The following ARID3B variants were observed in gnomAD, a reference collection of about 807,000 sequenced individuals.
ARID3B encodes the protein AT-rich interactive domain-containing protein 3B.
ARID3B carries 10 observed loss-of-function variants against 51.9 expected under a neutral mutation model. The observed-to-expected ratio is 0.19, with a 90% CI of 0.12 to 0.33. The LOEUF (loss-of-function observed/expected upper bound fraction) is 0.33. ARID3B is among the 10% of genes least tolerant of loss of function. The pLI, the probability that ARID3B is intolerant of heterozygous loss-of-function variation, is 1.00. For missense variants in ARID3B, 483 were observed against 716.3 expected, an observed-to-expected ratio of 0.67 and a Z score of 3.72; for synonymous variants, 205 against 279.5, an observed-to-expected ratio of 0.73 and a Z score of 2.66.
chr15:74,572,544 A>C (rs143271432), intron 2 of ARID3B, among the ~76,000 whole-genome samples: 1 of 152,232 alleles, frequency 6.6e-6, no homozygotes, highest in Non-Finnish European at 1.5e-5. Context: ...CTTCTAAGCA[A>C]CGTGGGCCTT....
chr15:74,586,715 A>G (rs886244349), intron 4 of ARID3B, among the ~76,000 whole-genome samples: 1 of 152,254 alleles, frequency 6.6e-6, no homozygotes, highest in African/African-American at 2.4e-5. Context: ...ATTTCTGGGT[A>G]GGTTAATTTA....
intron 4 of ARID3B, among the ~76,000 whole-genome samples, chr15:74,588,990 G>A (rs1433160550): frequency 6.6e-6 from 1 of 150,540 alleles, no homozygotes. Context: ...AGCAGGAGAG[G>A]AGAAAGCAGG....
At chr15:74,562,007 C>A (rs566081831) in intron 2 of ARID3B, among the ~76,000 whole-genome samples, 40 of 148,428 alleles carry the variant, frequency 2.7e-4, no homozygotes, top group African/African-American at 6.5e-4. Flanking sequence ...CTAGGTTGCA[C>A]TCCAGCCCTG....
At position 74,595,993 on chromosome 15, in the gene ARID3B, C is replaced by T. The variant is rs1420813061; in HGVS notation, c.*219C>T. On this transcript the variant is annotated 3_prime_UTR_variant, in exon 9 of 9. Transcript: ENST00000346246. ...GGCAGGACAGACAGCGTTGTCCAAT[C>T]AGGGATTGTCCTGGAGAACTGGGTG... 34 of 545,404 alleles carry T rather than the reference C, an allele frequency of 6.2e-5. 2 individuals are homozygous for T. The highest frequency in any genetic ancestry group is 9.2e-5 in the Non-Finnish European group (29 of 313,536). 33.8% of individuals were successfully genotyped at this position (545,404 alleles called of 1,614,324 possible).
rs60010767 is a variant in ARID3B, at chr15:74,588,003, G to A, written c.698-1817G>A. Among the ~76,000 whole-genome samples the A allele has an allele frequency of 1.3e-4, 20 of 152,210 alleles. No individual in the cohort carries two copies. The East Asian group carries it at 3.9e-3, about 29-fold the overall frequency. On this transcript the variant is annotated intron_variant, in intron 4 of 8. Coordinates refer to ENST00000346246, the MANE Select transcript of ARID3B (RefSeq NM_006465.4). Reference sequence around the variant, plus strand: ...ACGCTGCAGTCCATGTGCTTTGGGAGGCTGAGGCAGGAGGATTGCTTGAGC... The same window carrying A: ...ACGCTGCAGTCCATGTGCTTTGGGAAGCTGAGGCAGGAGGATTGCTTGAGC...
rs577591308 is a variant in ARID3B at position 74,572,902 on chromosome 15, G to A, written c.593G>A (p.Arg198Gln). 1.1e-5 allele frequency: 17 copies of A among 1,614,126 alleles called. No homozygotes were observed. The highest frequency in any genetic ancestry group is 4.4e-5 in the South Asian group (4 of 91,076). ...TGGAGTGATGATGCAGATGGAGGCC[G>A]GGGAAGAGAGATCTCTCGAGATTTT... ...LAWSDDADGG[R>Q]GREISRDFAK... The change falls in exon 3 of 9, where the codon CGG becomes CAG. Residue 198 changes from arginine (R) to glutamine (Q), a missense_variant. By Grantham distance (43) the Arg-to-Gln change is conservative (BLOSUM62 1). Transcript: ENST00000346246.
rs1166723169 is a variant in ARID3B, at chr15:74,597,380, G to A, written c.*1606G>A. 1.8e-5 allele frequency: 8 copies of A among 441,914 alleles called. No homozygotes were observed. Among genetic ancestry groups the A allele is most frequent in the African/African-American group, 1.6e-4 (8 of 50,638 alleles). The allele number at this position is 441,914 out of a possible 1,614,324, so 27.4% of individuals were successfully genotyped here. A position where few individuals can be genotyped will look rare whatever the true frequency, so the allele number is the denominator to read the frequency against. ...TGTGTGGCAGCGTGGCTCGCATTCA[G>A]TCCTGTGTAGGAGAGGAAAGGGAAT... On this transcript the variant is annotated 3_prime_UTR_variant, in exon 9 of 9. Coordinates refer to ENST00000346246, the MANE Select transcript of ARID3B (RefSeq NM_006465.4).
chr15:74,589,668 C>CT, intron 4 of ARID3B, 152 bp from the exon 5 acceptor site: 1 of 760,816 alleles, frequency 1.3e-6, no homozygotes, highest in Non-Finnish European at 2.1e-6. Context: ...GACAGCTAGT[C>CT]TGAGTGTTCA....
At chr15:74,594,226 A>T (rs1356582299) in intron 8 of ARID3B, among the ~76,000 whole-genome samples, 3 of 152,174 alleles carry the variant, frequency 2.0e-5, no homozygotes, top group African/African-American at 7.2e-5. Context: ...AGGCGGGTGG[A>T]TCACGAAGTC....
rs2061823129 is a variant in ARID3B, at chr15:74,595,822, G to A, written c.*48G>A. ...TTGCCACTCTCCTGTCGAGAGTGAA[G>A]GAAGTTGATGCACAGAATTTACCTC... On this transcript the variant is annotated 3_prime_UTR_variant, in exon 9 of 9. Transcript: ENST00000346246. 1 of 1,558,688 alleles carries A rather than the reference G, an allele frequency of 6.4e-7. No individual in the cohort carries two copies. Among genetic ancestry groups the A allele is most frequent in the Admixed American group, 2.0e-5 (1 of 50,958 alleles).
chr15:74,545,500 CA>C (rs1213904281), intron 2 of ARID3B, among the ~76,000 whole-genome samples: 2 of 152,144 alleles, frequency 1.3e-5, no homozygotes, highest in Non-Finnish European at 2.9e-5. Flanking sequence ...TGTTTTCAAC[CA>C]AGCCTCTTCT....
intron 4 of ARID3B, chr15:74,575,067 G>T (rs1025652943): frequency 6.6e-6 from 1 of 150,424 alleles, no homozygotes; most frequent in African/African-American, 2.4e-5. Flanking sequence ...GAACCTCCCC[G>T]TTTGCCCTGA....
intron 4 of ARID3B, among the ~76,000 whole-genome samples, chr15:74,588,276 G>A (rs371441244): frequency 1.5e-4 from 22 of 151,100 alleles, no homozygotes; most frequent in South Asian, 8.4e-4. Context: ...TGGTCCTGCC[G>A]CAGCAGCCCC....
chr15:74,545,419 G>A (rs755276385), intron 2 of ARID3B, among the ~76,000 whole-genome samples: 25 of 152,172 alleles, frequency 1.6e-4, no homozygotes, highest in Non-Finnish European at 3.1e-4. Flanking sequence ...AGTCAGTTAG[G>A]GAGCTTTTTA....
intron 1 of ARID3B, among the ~76,000 whole-genome samples, chr15:74,541,666 G>A (rs74487788): frequency 0.034 from 5,122 of 151,566 alleles, 122 homozygotes; most frequent in Middle Eastern, 0.12. Context: ...AGGGCTGAAT[G>A]GGGGGAGGTG....
At chr15:74,547,979 C>G (rs1337838912) in intron 2 of ARID3B, among the ~76,000 whole-genome samples, 1 of 152,188 alleles carries the variant, frequency 6.6e-6, no homozygotes, top group East Asian at 1.9e-4. Context: ...TTCGTGGATT[C>G]TCTTTGAAGA....
chr15:74,550,582 T>G (rs1298654328), intron 2 of ARID3B, among the ~76,000 whole-genome samples: 6 of 150,690 alleles, frequency 4.0e-5, no homozygotes, highest in Non-Finnish European at 8.9e-5. Flanking sequence ...GGCAGGCGCC[T>G]GCGGTCCCAA....
intron 2 of ARID3B, among the ~76,000 whole-genome samples, chr15:74,547,721 C>G (rs1291235168): frequency 6.6e-6 from 1 of 152,190 alleles, no homozygotes; most frequent in African/African-American, 2.4e-5. Flanking sequence ...TCTGCTATGG[C>G]AGAGATATTT....
intron 3 of ARID3B, 29 bp from the exon 4 acceptor site, chr15:74,573,103 G>T: frequency 6.2e-7 from 1 of 1,612,466 alleles, no homozygotes; most frequent in South Asian, 1.1e-5. Context: ...TTTTCACTGT[G>T]TGTTTTTCTT....
Sources: gnomAD v4.1 joint callset for allele counts (sites outside exome capture counted in the v4.1 genomes callset) on GRCh38, gnomAD v4.1.1 for gene constraint, MANE v1.5 for transcripts, NCBI Gene and HGNC (gene_info 2026-07-23, HGNC 2026-07-21) for gene names.